Variants in TNFAIP8 observed in about 807,000 individuals in gnomAD.
The protein encoded by TNFAIP8 is TNF alpha induced protein 8.
TNFAIP8 carries 7 observed loss-of-function variants against 13.3 expected under a neutral mutation model. The ratio of observed to expected loss-of-function variants is 0.52; its 90% CI spans 0.30 to 0.99. The LOEUF is 0.99. Among genes scored for constraint, TNFAIP8 ranks in the 50% least tolerant of loss-of-function variants. The pLI is 0.07. For synonymous variants in TNFAIP8, 94 were observed against 87.6 expected, an observed-to-expected ratio of 1.07 and a Z score of -0.41; for missense variants, 258 against 236.9, an observed-to-expected ratio of 1.09 and a Z score of -0.58.
intron 1 of TNFAIP8, among the ~76,000 whole-genome samples, chr5:119,377,545 T>G (rs1363877975): frequency 6.6e-6 from 1 of 152,138 alleles, no homozygotes; most frequent in Non-Finnish European, 1.5e-5. Flanking sequence ...TCTCCTGGGA[T>G]CATTGTAAAT....
intron 1 of TNFAIP8, chr5:119,333,127 G>A: frequency 1.3e-6 from 1 of 797,526 alleles, no homozygotes; most frequent in Non-Finnish European, 1.5e-6. Context: ...CTAAGTATCT[G>A]TTTCTATTTT....
chr5:119,306,058 G>A (rs1749543310), intron 1 of TNFAIP8, among the ~76,000 whole-genome samples: 1 of 152,104 alleles, frequency 6.6e-6, no homozygotes, highest in Non-Finnish European at 1.5e-5. Flanking sequence ...AGACTATATT[G>A]CTGTTTCACA....
chr5:119,378,231 A>G (rs1312185838), intron 1 of TNFAIP8, among the ~76,000 whole-genome samples: 1 of 152,220 alleles, frequency 6.6e-6, no homozygotes, highest in Non-Finnish European at 1.5e-5. Context: ...TGCGGAGAGG[A>G]AAGGTTAGAA....
At chr5:119,391,071 T>A (rs1465624569) in intron 1 of TNFAIP8, among the ~76,000 whole-genome samples, 1 of 151,392 alleles carries the variant, frequency 6.6e-6, no homozygotes, top group African/African-American at 2.4e-5. Flanking sequence ...GCTCAAGTGA[T>A]CCTCTCCCTA....
chr5:119,393,342 T>C lies in TNFAIP8; in HGVS notation c.558T>C (p.Cys186=). ...TTAAACCCCACTTACAAAAACTATG[T>C]GATGGTATCAACAAAATGTTGGATG... ...GNFKPHLQKL[C]DGINKMLDEE... Residue 186 remains cysteine, a synonymous_variant, in exon 2 of 2, where the codon TGT becomes TGC. Coordinates refer to ENST00000504771, the MANE Select transcript of TNFAIP8 (RefSeq NM_014350.4). The C allele has an allele frequency of 1.2e-6, 2 of 1,613,892 alleles. No homozygotes were observed. Among genetic ancestry groups the C allele is most frequent in the Admixed American group, 1.7e-5 (1 of 60,020 alleles).
At chr5:119,334,152 A>C (rs2112712213) in intron 1 of TNFAIP8, among the ~76,000 whole-genome samples, 1 of 152,144 alleles carries the variant, frequency 6.6e-6, no homozygotes, top group East Asian at 1.9e-4. Flanking sequence ...AAAAAAAAAA[A>C]AACGGTTTAC....
chr5:119,349,545 A>G (rs1200470401), intron 1 of TNFAIP8, among the ~76,000 whole-genome samples: 1 of 152,240 alleles, frequency 6.6e-6, no homozygotes, highest in South Asian at 2.1e-4. Flanking sequence ...GGGTGTCAGT[A>G]ATCAGGGCCA....
intron 1 of TNFAIP8, among the ~76,000 whole-genome samples, chr5:119,301,371 T>C (rs868306451): frequency 5.3e-5 from 8 of 152,342 alleles, no homozygotes; most frequent in Admixed American, 3.3e-4. Flanking sequence ...CCGCCTTCTT[T>C]ACTGGCCAGA....
chr5:119,284,514 C>G (rs1259713921), intron 1 of TNFAIP8, among the ~76,000 whole-genome samples: 2 of 151,994 alleles, frequency 1.3e-5, no homozygotes, highest in Non-Finnish European at 2.9e-5. Context: ...AACCCCCTCT[C>G]TAATAAAAAT....
intron 1 of TNFAIP8, among the ~76,000 whole-genome samples, chr5:119,295,817 T>C (rs1461123840): frequency 6.6e-6 from 1 of 152,172 alleles, no homozygotes; most frequent in East Asian, 1.9e-4. Flanking sequence ...TAGCAGTGGT[T>C]TGTAGTTCTC....
intron 1 of TNFAIP8, among the ~76,000 whole-genome samples, chr5:119,387,112 C>CTA (rs1260424998): frequency 6.6e-6 from 1 of 152,104 alleles, no homozygotes; most frequent in South Asian, 2.1e-4. Flanking sequence ...CTACTCCGAG[C>CTA]GTTCATTGCT....
chr5:119,365,942 G>T (rs533250690), intron 1 of TNFAIP8, among the ~76,000 whole-genome samples: 2 of 152,166 alleles, frequency 1.3e-5, no homozygotes, highest in South Asian at 4.2e-4. Context: ...AATCAAAATA[G>T]CAAAGAAAGT....
At chr5:119,311,083 C>T (rs1749714589) in intron 1 of TNFAIP8, among the ~76,000 whole-genome samples, 2 of 152,074 alleles carry the variant, frequency 1.3e-5, no homozygotes, top group Admixed American at 1.3e-4. Flanking sequence ...AGTGCAATGG[C>T]ATGATTATAC....
At chr5:119,380,383 G>C (rs1252056896) in intron 1 of TNFAIP8, among the ~76,000 whole-genome samples, 1 of 152,178 alleles carries the variant, frequency 6.6e-6, no homozygotes, top group Non-Finnish European at 1.5e-5. Context: ...AAATGTTACT[G>C]GTTTTCTAAG....
rs80269598 is a variant in TNFAIP8, at chr5:119,392,800, C to CT, written c.32-3dup. The CT allele has an allele frequency of 0.099, 129,432 of 1,307,552 alleles. 943 individuals carry two copies. The highest frequency in any genetic ancestry group is 0.22 in the African/African-American group (14,157 of 65,810). 81.0% of individuals were successfully genotyped at this position (1,307,552 alleles called of 1,614,324 possible). On this transcript the variant is annotated splice_polypyrimidine_tract_variant and intron_variant, in intron 1 of 1. Transcript: ENST00000504771. ...TACTAATTGTTAATTCTTTTCCTCT[C>CT]TTTTTTTTTTTTTAGTGGCCACAGA...
intron 1 of TNFAIP8, among the ~76,000 whole-genome samples, chr5:119,370,249 A>T (rs1752022510): frequency 6.6e-6 from 1 of 152,234 alleles, no homozygotes; most frequent in Non-Finnish European, 1.5e-5. Flanking sequence ...GTTAACTCTA[A>T]TTTAAAATAA....
At chr5:119,324,306 A>G (rs1750150115) in intron 1 of TNFAIP8, among the ~76,000 whole-genome samples, 1 of 133,572 alleles carries the variant, frequency 7.5e-6, no homozygotes, top group Non-Finnish European at 1.5e-5. Context: ...AAAAAAAAAA[A>G]AAAAAAAAGA....
chr5:119,381,621 C>T lies in TNFAIP8; in HGVS notation c.32-11195C>T, dbSNP rs1752488271. On this transcript the variant is annotated intron_variant, in intron 1 of 1. Transcript: ENST00000504771. ...AGAGGCCATTCCCCTGTCTCTTTTT[C>T]CTAGGATGTAGTAAGAAGGTCCACT... is the stretch of plus-strand genomic sequence containing the variant. Among the ~76,000 whole-genome samples the T allele has an allele frequency of 2.6e-5, 4 of 151,898 alleles. No homozygotes were observed. The South Asian group carries it at 8.3e-4, about 31-fold the overall frequency.
intron 1 of TNFAIP8, among the ~76,000 whole-genome samples, chr5:119,304,458 C>G (rs1438704093): frequency 1.3e-5 from 2 of 152,214 alleles, no homozygotes; most frequent in African/African-American, 4.8e-5. Flanking sequence ...TACCTCTAAA[C>G]TAAACACACA....
Sources: allele counts gnomAD v4.1 joint callset (sites outside exome capture counted in the v4.1 genomes callset), GRCh38; gene constraint gnomAD v4.1.1; transcripts MANE v1.5; gene names NCBI Gene and HGNC (gene_info 2026-07-23, HGNC 2026-07-21).